Variants in EXOC3L2 observed in about 807,000 individuals in gnomAD.
EXOC3L2 encodes exocyst complex component 3 like 2, also known as exocyst complex component 3-like protein 2.
In EXOC3L2, 17 loss-of-function variants were observed where a neutral mutation model predicts 44.4. That is an observed-to-expected ratio of 0.38 (90% confidence interval 0.26 to 0.57). The LOEUF (loss-of-function observed/expected upper bound fraction) is 0.57, where lower values mean the gene tolerates loss of function less well. Ranked by LOEUF, EXOC3L2 falls within the 20% of genes least tolerant of loss-of-function variation. The pLI, the probability that EXOC3L2 is intolerant of heterozygous loss-of-function variation, is 0.65. For missense variants in EXOC3L2, 541 were observed against 588.4 expected (o/e 0.92, Z 0.83); for synonymous variants, 256 against 253.7 (o/e 1.01, Z -0.09).
chr19:45,244,739 C>T (rs1000598048), intron 1 of EXOC3L2, among the ~76,000 whole-genome samples: 13 of 152,168 alleles, frequency 8.5e-5, no homozygotes, highest in African/African-American at 3.1e-4. Flanking sequence ...TCCATCACCT[C>T]CAACGCTCAG....
At position 45,238,664 on chromosome 19, in the gene EXOC3L2, T is replaced by G. The variant is rs1390028486; in HGVS notation, c.382A>C (p.Arg128=). 2 of 399,018 alleles carry G rather than the reference T, an allele frequency of 5.0e-6. No homozygotes were observed. Among genetic ancestry groups the G allele is most frequent in the Non-Finnish European group, 8.8e-6 (2 of 226,014 alleles). The allele number at this position is 399,018 out of a possible 1,614,324, so 24.7% of individuals were successfully genotyped here. ...CGCCCCAGTCTCAGGAAGGCCAGTC[T>G]CCGGGCGGCCTCCCCCGCTGCCTCC... ...DEEAAGEAAR[R]LAFLRLGRGS... The change falls in exon 2 of 12, where the codon AGA becomes CGA. Residue 128 remains arginine (R), a synonymous_variant. Transcript: ENST00000413988. This position sits in a 1 kb window ranked among gnomAD's most constrained non-coding sequence, Gnocchi z 5.5.
chr19:45,238,580 C>A lies in EXOC3L2; in HGVS notation c.466G>T (p.Ala156Ser). 2.5e-6 allele frequency: 1 copy of A among 399,720 alleles called. No homozygotes were observed. The highest frequency in any genetic ancestry group is 4.4e-6 in the Non-Finnish European group (1 of 226,444). 24.8% of individuals were successfully genotyped at this position (399,720 alleles called of 1,614,324 possible). Reference protein sequence around the residue: ...AERVVPAGEAAPEPPPKVPEP... With the variant: ...AERVVPAGEASPEPPPKVPEP... ...GGGACCTTGGGTGGGGGCTCTGGAGCTGCCTCGCCTGCAGGCACCACTCTC... is the reference window on the plus strand; with the variant it reads ...GGGACCTTGGGTGGGGGCTCTGGAGATGCCTCGCCTGCAGGCACCACTCTC... Residue 156 changes from alanine to serine, a missense_variant, in exon 2 of 12, where the codon GCT (alanine) becomes TCT (serine). By Grantham distance (99) the Ala-to-Ser change is moderately conservative (BLOSUM62 1). Coordinates refer to ENST00000413988, the MANE Select transcript of EXOC3L2 (RefSeq NM_001382422.1). This position sits in a 1 kb window ranked among gnomAD's most constrained non-coding sequence, Gnocchi z 5.5.
intron 1 of EXOC3L2, among the ~76,000 whole-genome samples, chr19:45,244,011 C>T (rs1204903522): frequency 6.6e-6 from 1 of 152,104 alleles, no homozygotes; most frequent in Non-Finnish European, 1.5e-5. Context: ...GCAACCTCTG[C>T]TTCCCAGGCT....
intron 10 of EXOC3L2, among the ~76,000 whole-genome samples, chr19:45,217,319 G>A (rs1969845800): frequency 6.6e-6 from 1 of 152,168 alleles, no homozygotes; most frequent in Non-Finnish European, 1.5e-5. Flanking sequence ...CGAGGAAAGC[G>A]CCCAGAGGCG....
chr19:45,217,389 T>C (rs931076947), intron 10 of EXOC3L2, 139 bp downstream of exon 10: 16 of 1,074,440 alleles, frequency 1.5e-5, no homozygotes, highest in South Asian at 1.9e-5. Flanking sequence ...AAGTTACTGG[T>C]TGCTATTGAC....
intron 8 of EXOC3L2, among the ~76,000 whole-genome samples, chr19:45,221,213 T>A (rs1239063049): frequency 1.3e-5 from 2 of 149,722 alleles, no homozygotes; most frequent in Non-Finnish European, 1.5e-5. Context: ...TTTTTGTGGT[T>A]TTTTTTTTTT....
intron 7 of EXOC3L2, among the ~76,000 whole-genome samples, chr19:45,226,540 G>A (rs562791005): frequency 4.6e-5 from 7 of 151,370 alleles, no homozygotes; most frequent in South Asian, 4.2e-4. Context: ...AGGTTCAAGC[G>A]ATTCTCCTGC....
intron 4 of EXOC3L2, among the ~76,000 whole-genome samples, chr19:45,228,914 A>C (rs1465786227): frequency 2.0e-5 from 3 of 150,414 alleles, no homozygotes; most frequent in Non-Finnish European, 3.0e-5. Flanking sequence ...CACTAAAAAT[A>C]CAAAAAATTA....
At position 45,235,578 on chromosome 19, in the gene EXOC3L2, A is replaced by G. The variant is rs554453202; in HGVS notation, c.524-752T>C. On this transcript the variant is annotated intron_variant, in intron 2 of 11. Transcript: ENST00000413988. ...TGATCTGGCCCTCTGATGAGTTCAG[A>G]CTGCCTCGAGAAAGGCGAGTCGGGC... is the stretch of plus-strand genomic sequence containing the variant. 1.9e-4 allele frequency among the ~76,000 whole-genome samples: 29 copies of G among 152,170 alleles called. No individual in the cohort carries two copies. In the Middle Eastern group the frequency reaches 0.01, roughly 54 times the overall value.
chr19:45,238,095 A>G lies in EXOC3L2; in HGVS notation c.523+428T>C, dbSNP rs11669915. Among the ~76,000 whole-genome samples the G allele has an allele frequency of 0.22, 33,892 of 152,032 alleles. 4,081 individuals carry two copies. Among genetic ancestry groups the G allele is most frequent in the South Asian group, 0.29 (1,391 of 4,816 alleles). On this transcript the variant is annotated intron_variant, in intron 2 of 11. Transcript: ENST00000413988. The surrounding 1 kb of genome is among the most constrained non-coding windows in gnomAD (Gnocchi z 5.5). ...AGAGGATGCAGTGAGCCAAGATTGC[A>G]CCACTGCACTCCAGCCTGGGCGACA...
chr19:45,228,128 C>G, intron 5 of EXOC3L2, 37 bp downstream of exon 5: 1 of 1,613,762 alleles, frequency 6.2e-7, no homozygotes, highest in Non-Finnish European at 8.5e-7. Flanking sequence ...TCCCACTTTC[C>G]ATCCAGCCCA....
intron 11 of EXOC3L2, 80 bp downstream of exon 11, chr19:45,215,993 G>T: frequency 6.4e-7 from 1 of 1,569,280 alleles, no homozygotes; most frequent in Non-Finnish European, 8.7e-7. Flanking sequence ...CAGGAGGCAG[G>T]AAGCACAGGG....
Position 45,234,844 on chromosome 19 carries a change from G to A in EXOC3L2, c.524-18C>T, listed in dbSNP as rs1005516422. On this transcript the variant is annotated intron_variant, in intron 2 of 11. Transcript: ENST00000413988. The surrounding 1 kb of genome is among the most constrained non-coding windows in gnomAD (Gnocchi z 5.0). ...CTCCAGCACTGCGGGAGCAAAGCGG[G>A]AGGTCAGCAGTGCGCGGGGGGGAGG... is the stretch of plus-strand genomic sequence containing the variant. 12 of 391,762 alleles carry A rather than the reference G, an allele frequency of 3.1e-5. No individual in the cohort carries two copies. Among genetic ancestry groups the A allele is most frequent in the South Asian group, 2.6e-4 (2 of 7,788 alleles). The allele number at this position is 391,762 out of a possible 1,614,324, so 24.3% of individuals were successfully genotyped here.
chr19:45,219,393 CAAAAA>C (rs950797638), intron 8 of EXOC3L2, among the ~76,000 whole-genome samples: 6 of 51,544 alleles, frequency 1.2e-4, no homozygotes, highest in East Asian at 5.8e-4. Flanking sequence ...GGCCCCGTCT[CAAAAA>C]AAAAAAAAAA....
In EXOC3L2 at chr19:45,213,302, G is replaced by A. The variant is rs763222027; in HGVS notation, c.2176C>T (p.Arg726Cys). Residue 726 changes from arginine (R) to cysteine (C), a missense_variant, in exon 12 of 12, where the codon CGC (arginine) becomes TGC (cysteine). Arg to Cys is a radical substitution (Grantham distance 180). Transcript: ENST00000413988. ...CGGGCCACGGCCAGGATCTCCTGGC[G>A]GGCGGCTGTGTTGCGCAGGCCACGG... The part of the protein sequence containing the change: ...DIRGLRNTAA[R>C]QEILAVARDL... 20 of 1,613,698 alleles carry A rather than the reference G, an allele frequency of 1.2e-5. No homozygotes were observed. Among genetic ancestry groups the A allele is most frequent in the South Asian group, 1.1e-4 (10 of 91,066 alleles).
At chr19:45,235,437 G>C (rs1288095746) in intron 2 of EXOC3L2, among the ~76,000 whole-genome samples, 2 of 152,110 alleles carry the variant, frequency 1.3e-5, no homozygotes, top group Non-Finnish European at 2.9e-5. Context: ...GCCACGTAAG[G>C]GGGAGAGAGA....
At chr19:45,227,808 G>A (rs1437013925) in intron 6 of EXOC3L2, 36 bp from the exon 7 acceptor site, 1 of 1,585,408 alleles carries the variant, frequency 6.3e-7, no homozygotes, top group Non-Finnish European at 8.6e-7. Flanking sequence ...GGGCGCCACT[G>A]GGTCAGGGTC....
chr19:45,223,510 T>C (rs1969920730), intron 8 of EXOC3L2, among the ~76,000 whole-genome samples: 1 of 151,680 alleles, frequency 6.6e-6, no homozygotes, highest in Admixed American at 6.6e-5. Flanking sequence ...ACCTGGCTAA[T>C]TTTTGTAATT....
At chr19:45,213,793 T>TA (rs376637056) in intron 11 of EXOC3L2, among the ~76,000 whole-genome samples, 1,591 of 134,584 alleles carry the variant, frequency 0.012, 15 homozygotes, top group African/African-American at 0.035. Context: ...AAAAATACAT[T>TA]AAAAAAAAAA....
Sources: allele counts gnomAD v4.1 joint callset (sites outside exome capture counted in the v4.1 genomes callset), GRCh38; gene constraint gnomAD v4.1.1; non-coding constraint Gnocchi (gnomAD v3.1); transcripts MANE v1.5; gene names NCBI Gene and HGNC (gene_info 2026-07-23, HGNC 2026-07-21).